CORO7: variants seen among roughly 807,000 people sequenced by gnomAD.
The protein encoded by CORO7 is coronin 7.
Under a neutral mutation model 126.6 loss-of-function variants are expected in CORO7, and 107 were observed. The ratio of observed to expected loss-of-function variants is 0.85; its 90% CI spans 0.72 to 0.99. The LOEUF is 0.99. Among genes scored for constraint, CORO7 ranks in the 50% least tolerant of loss-of-function variants. CORO7 has a pLI of 0.00. For synonymous variants in CORO7, 603 were observed against 536.8 expected, an observed-to-expected ratio of 1.12 and a Z score of -1.70; for missense variants, 1,314 against 1,255.8, an observed-to-expected ratio of 1.05 and a Z score of -0.70.
chr16:4,416,180 G>A (rs905667936), intron 1 of CORO7, among the ~76,000 whole-genome samples: 4 of 152,132 alleles, frequency 2.6e-5, no homozygotes, highest in African/African-American at 7.2e-5. Context: ...GGCTAGGAGG[G>A]CTGCGCCGCC....
intron 6 of CORO7, among the ~76,000 whole-genome samples, chr16:4,400,797 C>CAATAATAATTAATAATAAT (rs1555480011): frequency 1.5e-4 from 21 of 139,336 alleles, no homozygotes; most frequent in Non-Finnish European, 2.5e-4. Flanking sequence ...TCCAGCAGTG[C>CAATAATAATTAATAATAAT]AATAATAATA....
chr16:4,366,215 G>A (rs2054342020), intron 9 of CORO7, among the ~76,000 whole-genome samples: 1 of 152,224 alleles, frequency 6.6e-6, no homozygotes, highest in Non-Finnish European at 1.5e-5. Flanking sequence ...GGCCGAGCCT[G>A]CCAGCAGCAT....
At position 4,358,853 on chromosome 16, in the gene CORO7, G is replaced by T; in HGVS notation, c.2341-370C>A. 1.1e-5 allele frequency: 3 copies of T among 280,670 alleles called. 1 individual carries two copies. Among genetic ancestry groups the T allele is most frequent in the Non-Finnish European group, 6.6e-6 (1 of 150,474 alleles). 17.4% of individuals were successfully genotyped at this position (280,670 alleles called of 1,614,324 possible). A position where few individuals can be genotyped will look rare whatever the true frequency, so the allele number is the denominator to read the frequency against. On this transcript the variant is annotated intron_variant, in intron 23 of 27. Coordinates refer to ENST00000251166, the MANE Select transcript of CORO7 (RefSeq NM_024535.5). Reference sequence around the variant, plus strand: ...GTAAAATTGGATAAATTAATTAGAAGTGATAAACTGAGTGTTTATTACTTT... The same window carrying T: ...GTAAAATTGGATAAATTAATTAGAATTGATAAACTGAGTGTTTATTACTTT...
chr16:4,361,756 T>TGTAGGCAGGTCACA, intron 16 of CORO7: 1 of 824,842 alleles, frequency 1.2e-6, no homozygotes, highest in Non-Finnish European at 2.0e-6. Flanking sequence ...TACACAGCTG[T>TGTAGGCAGGTCACA]GTGACCCGGG....
intron 6 of CORO7, among the ~76,000 whole-genome samples, chr16:4,403,328 G>T (rs559419850): frequency 1.3e-5 from 2 of 152,146 alleles, no homozygotes; most frequent in African/African-American, 4.8e-5. Flanking sequence ...CCAGGACCCC[G>T]ATGTACTCCC....
At position 4,361,248 on chromosome 16, in the gene CORO7, G is replaced by C. The variant is rs1392061750; in HGVS notation, c.1688C>G (p.Ala563Gly). 6.2e-7 allele frequency: 1 copy of C among 1,612,554 alleles called. No homozygotes were observed. Among genetic ancestry groups the C allele is most frequent in the Admixed American group, 1.7e-5 (1 of 60,002 alleles). The change falls in exon 18 of 28, where the codon GCT becomes GGT. Residue 563 changes from alanine to glycine, a missense_variant and splice_region_variant. Transcript: ENST00000251166. ...DPFDPHRLAV[A>G]GEDARIRLWR... ...CAGTCGGATCCTGGCGTCCTCACCA[G>C]CTGCAGAGGACAGACAGGGGCTCAT...
At chr16:4,395,735 C>T (rs866206262) in intron 6 of CORO7, among the ~76,000 whole-genome samples, 2 of 152,172 alleles carry the variant, frequency 1.3e-5, no homozygotes, top group Non-Finnish European at 2.9e-5. Context: ...AGGCTGTCAG[C>T]GCCCCACACA....
At chr16:4,395,415 C>T in intron 6 of CORO7, 76 bp from the exon 7 acceptor site, 1 of 1,594,612 alleles carries the variant, frequency 6.3e-7, no homozygotes, top group Non-Finnish European at 8.6e-7. Context: ...CTCCCCTCAC[C>T]TCCCAACCCC....
In CORO7 at chr16:4,397,730, C is replaced by T. The variant is rs372575929; in HGVS notation, c.565-2391G>A. On this transcript the variant is annotated intron_variant, in intron 6 of 27. Transcript: ENST00000251166. ...CCGGGTTCAAGCGATTCTCCTGCCTCAGCCTCCCGAGTAGCTGGGATTACA... is the reference window on the plus strand; with the variant it reads ...CCGGGTTCAAGCGATTCTCCTGCCTTAGCCTCCCGAGTAGCTGGGATTACA... 1.1e-4 allele frequency among the ~76,000 whole-genome samples: 16 copies of T among 152,228 alleles called. No individual in the cohort carries two copies. In the South Asian group the frequency reaches 3.3e-3, roughly 32 times the overall value.
At chr16:4,393,189 C>A (rs1174336029) in intron 7 of CORO7, among the ~76,000 whole-genome samples, 1 of 152,214 alleles carries the variant, frequency 6.6e-6, no homozygotes, top group Non-Finnish European at 1.5e-5. Context: ...CCCAGCAGTG[C>A]CCTGGGCTCT....
At chr16:4,368,332 G>A (rs952472072) in intron 9 of CORO7, among the ~76,000 whole-genome samples, 4 of 152,112 alleles carry the variant, frequency 2.6e-5, no homozygotes, top group Non-Finnish European at 5.9e-5. Context: ...GGGTGACAGA[G>A]TGAGACTCCA....
chr16:4,391,641 G>C (rs1017097991), intron 7 of CORO7, among the ~76,000 whole-genome samples: 1 of 152,272 alleles, frequency 6.6e-6, no homozygotes, highest in Admixed American at 6.5e-5. Context: ...TGACGCAGGA[G>C]GATTGCTTGA....
chr16:4,399,504 AG>A (rs2055724196), intron 6 of CORO7, among the ~76,000 whole-genome samples: 1 of 152,224 alleles, frequency 6.6e-6, no homozygotes, highest in African/African-American at 2.4e-5. Context: ...GGTAGGGCAA[AG>A]GGGAACTGCT....
At chr16:4,365,615 G>T in intron 9 of CORO7, 70 bp from the exon 10 acceptor site, 1 of 1,544,814 alleles carries the variant, frequency 6.5e-7, no homozygotes, top group South Asian at 1.2e-5. Context: ...CCCCATGTAG[G>T]AGCCCAGGAC....
chr16:4,381,124 C>T (rs1260019770), intron 9 of CORO7: 2 of 1,610,222 alleles, frequency 1.2e-6, no homozygotes, highest in Non-Finnish European at 8.5e-7. Context: ...GCTCCTGGAC[C>T]TGTCACAGAA....
At position 4,360,939 on chromosome 16, in the gene CORO7, C is replaced by T. The variant is rs1341678645; in HGVS notation, c.1917+4G>A. On this transcript the variant is annotated splice_donor_region_variant and intron_variant, in intron 19 of 27. Coordinates refer to ENST00000251166, the MANE Select transcript of CORO7 (RefSeq NM_024535.5). ...TGCTGGCCCCACCTCTGCAGCCGTC[C>T]TACCTGGTCTTGGTGGCCCTGCAGC... The T allele has an allele frequency of 1.2e-6, 2 of 1,610,126 alleles. No homozygotes were observed. The highest frequency in any genetic ancestry group is 1.3e-5 in the African/African-American group (1 of 74,828).
At chr16:4,371,713 G>C (rs1018819656) in intron 9 of CORO7, 6 of 152,256 alleles carry the variant, frequency 3.9e-5, no homozygotes, top group Non-Finnish European at 5.9e-5. Flanking sequence ...AGGGCAACCC[G>C]GCCCACGAGC....
Position 4,407,579 on chromosome 16 carries a change from T to C in CORO7, c.409A>G (p.Thr137Ala). 3 of 1,589,792 alleles carry C rather than the reference T, an allele frequency of 1.9e-6. No individual in the cohort carries two copies. Among genetic ancestry groups the C allele is most frequent in the Non-Finnish European group, 2.6e-6 (3 of 1,168,204 alleles). Reference protein sequence around the residue: ...LPVEVLQFHPTSDGILVSAAG... With the variant: ...LPVEVLQFHPASDGILVSAAG... The stretch of plus-strand genomic sequence containing the variant: ...GCGCTCACCAGAATGCCGTCAGAGG[T>C]GGGGTGGAACTGCAGTACCTCCACT... The change falls in exon 5 of 28, where the codon ACC (threonine) becomes GCC (alanine). Residue 137 changes from threonine (T) to alanine (A), a missense_variant. Thr to Ala is a moderately conservative substitution (Grantham distance 58). Transcript: ENST00000251166.
intron 1 of CORO7, chr16:4,415,805 T>A: frequency 1.0e-6 from 1 of 984,098 alleles, no homozygotes; most frequent in East Asian, 1.1e-4. Context: ...GTCCGAAGGG[T>A]CTCCCGGCAC....
Sources: allele counts gnomAD v4.1 joint callset (sites outside exome capture counted in the v4.1 genomes callset), GRCh38; gene constraint gnomAD v4.1.1; transcripts MANE v1.5; gene names NCBI Gene and HGNC (gene_info 2026-07-23, HGNC 2026-07-21).